MARCHF4: variants seen among roughly 807,000 people sequenced by gnomAD.
MARCHF4 encodes membrane associated ring-CH-type finger 4, also known as E3 ubiquitin-protein ligase MARCHF4.
MARCHF4 carries 14 observed loss-of-function variants against 43.9 expected under a neutral mutation model. That is an observed-to-expected ratio of 0.32 (90% CI 0.21 to 0.50). The LOEUF (loss-of-function observed/expected upper bound fraction) is 0.50, where lower values mean the gene tolerates loss of function less well. MARCHF4 is among the 20% of genes least tolerant of loss of function. The pLI is 0.98. For missense variants in MARCHF4, 468 were observed against 536.7 expected, an observed-to-expected ratio of 0.87 and a Z score of 1.27; for synonymous variants, 226 against 213.3, an observed-to-expected ratio of 1.06 and a Z score of -0.52.
intron 1 of MARCHF4, among the ~76,000 whole-genome samples, chr2:216,310,107 G>A (rs1205706667): frequency 7.2e-3 from 1 of 138 alleles, no homozygotes; most frequent in Non-Finnish European, 0.016. Flanking sequence ...TGAGACCCTG[G>A]AGGCACCTAC....
intron 1 of MARCHF4, among the ~76,000 whole-genome samples, chr2:216,303,171 C>A (rs888197544): frequency 6.6e-6 from 1 of 152,148 alleles, no homozygotes; most frequent in Admixed American, 6.5e-5. Context: ...AACGTCATCT[C>A]CTAGAAAAGC....
At chr2:216,304,700 A>C (rs1238601620) in intron 1 of MARCHF4, among the ~76,000 whole-genome samples, 1 of 152,158 alleles carries the variant, frequency 6.6e-6, no homozygotes, top group East Asian at 1.9e-4. Flanking sequence ...GGCAATGTAG[A>C]AAACATTCAT....
intron 1 of MARCHF4, among the ~76,000 whole-genome samples, chr2:216,354,781 A>T (rs959511589): frequency 3.3e-5 from 5 of 152,170 alleles, no homozygotes; most frequent in African/African-American, 9.7e-5. Flanking sequence ...GGTGGGACTC[A>T]CTCAGGTCCT....
intron 3 of MARCHF4, among the ~76,000 whole-genome samples, chr2:216,264,268 C>A (rs1173634963): frequency 6.6e-6 from 1 of 152,184 alleles, no homozygotes; most frequent in Non-Finnish European, 1.5e-5. Flanking sequence ...AAGGGAAGGA[C>A]CATCTCTCTG....
chr2:216,350,350 C>T (rs1380764936), intron 1 of MARCHF4, among the ~76,000 whole-genome samples: 1 of 144,176 alleles, frequency 6.9e-6, no homozygotes, highest in African/African-American at 2.6e-5. Context: ...TGCCACACTC[C>T]TTCATTACGC....
chr2:216,329,320 G>T (rs1225944089), intron 1 of MARCHF4, among the ~76,000 whole-genome samples: 1 of 152,190 alleles, frequency 6.6e-6, no homozygotes, highest in African/African-American at 2.4e-5. Context: ...GGCAGAGCTT[G>T]CAGTGAGCCG....
chr2:216,368,327 T>A (rs554320460), intron 1 of MARCHF4, among the ~76,000 whole-genome samples: 1 of 152,312 alleles, frequency 6.6e-6, no homozygotes, highest in East Asian at 1.9e-4. Flanking sequence ...AGAGAAAGAA[T>A]GAAGGGAAGG....
chr2:216,343,013 G>A (rs369549758), intron 1 of MARCHF4, among the ~76,000 whole-genome samples: 1 of 152,186 alleles, frequency 6.6e-6, no homozygotes, highest in African/African-American at 2.4e-5. Context: ...ATACATGTCT[G>A]TAGGAAGAAT....
chr2:216,317,727 A>C (rs1691803075), intron 1 of MARCHF4, among the ~76,000 whole-genome samples: 1 of 152,134 alleles, frequency 6.6e-6, no homozygotes, highest in African/African-American at 2.4e-5. Context: ...AATCCTTTTA[A>C]AGCAAGCTTT....
chr2:216,266,185 T>G (rs961994836), intron 3 of MARCHF4: 1 of 152,010 alleles, frequency 6.6e-6, no homozygotes, highest in Non-Finnish European at 1.5e-5. Context: ...GCTTTCAGAG[T>G]GTTTGCCACT....
At chr2:216,312,095 G>A (rs1002547110) in intron 1 of MARCHF4, among the ~76,000 whole-genome samples, 1 of 152,258 alleles carries the variant, frequency 6.6e-6, no homozygotes, top group Middle Eastern at 3.4e-3. Flanking sequence ...TGAACATTGT[G>A]TCCATCAGAT....
intron 1 of MARCHF4, among the ~76,000 whole-genome samples, chr2:216,301,275 A>G (rs1257467816): frequency 6.6e-6 from 1 of 152,226 alleles, no homozygotes; most frequent in Non-Finnish European, 1.5e-5. Flanking sequence ...CAGCTGCAAC[A>G]CCACAGTTCC....
intron 2 of MARCHF4, among the ~76,000 whole-genome samples, chr2:216,281,149 A>G (rs1173260466): frequency 6.7e-6 from 1 of 149,648 alleles, no homozygotes; most frequent in Non-Finnish European, 1.5e-5. Context: ...GCTCACTACA[A>G]CCTAGACCTC....
At chr2:216,276,574 C>T (rs2105937336) in intron 3 of MARCHF4, among the ~76,000 whole-genome samples, 1 of 152,270 alleles carries the variant, frequency 6.6e-6, no homozygotes, top group East Asian at 1.9e-4. Context: ...TTTTCTGATC[C>T]CTAATATTAA....
At chr2:216,273,092 C>T (rs1461114356) in intron 3 of MARCHF4, among the ~76,000 whole-genome samples, 1 of 152,230 alleles carries the variant, frequency 6.6e-6, no homozygotes, top group East Asian at 1.9e-4. Flanking sequence ...CAGCATCCTC[C>T]TGGGTTCCTG....
At chr2:216,325,781 C>T (rs1344484763) in intron 1 of MARCHF4, among the ~76,000 whole-genome samples, 8 of 149,734 alleles carry the variant, frequency 5.3e-5, no homozygotes, top group Non-Finnish European at 9.0e-5. Flanking sequence ...AACTGGATCC[C>T]TTCCTTACAC....
chr2:216,341,477 C>T (rs1220925601), intron 1 of MARCHF4, among the ~76,000 whole-genome samples: 3 of 152,128 alleles, frequency 2.0e-5, no homozygotes, highest in Non-Finnish European at 4.4e-5. Flanking sequence ...CAAAGGGTAG[C>T]ATCTGGGAGG....
chr2:216,320,085 A>T (rs949234981), intron 1 of MARCHF4, among the ~76,000 whole-genome samples: 1 of 152,204 alleles, frequency 6.6e-6, no homozygotes, highest in Non-Finnish European at 1.5e-5. Context: ...AAGGGAAAGT[A>T]AAAAATCTGC....
intron 1 of MARCHF4, among the ~76,000 whole-genome samples, chr2:216,334,089 A>G (rs1012733368): frequency 3.3e-5 from 5 of 152,094 alleles, no homozygotes; most frequent in African/African-American, 1.2e-4. Flanking sequence ...GACAAAGGGG[A>G]ACTGAGGTTG....
Sources: gnomAD v4.1 joint callset for allele counts (sites outside exome capture counted in the v4.1 genomes callset) on GRCh38, gnomAD v4.1.1 for gene constraint, MANE v1.5 for transcripts, NCBI Gene and HGNC (gene_info 2026-07-23, HGNC 2026-07-21) for gene names.